The following PLXDC2 variants were observed in gnomAD, a reference collection of about 807,000 sequenced individuals.
The protein encoded by PLXDC2 is plexin domain-containing protein 2.
In PLXDC2, 40 loss-of-function variants were observed where a neutral mutation model predicts 68.9. The ratio of observed to expected loss-of-function variants is 0.58; its 90% confidence interval spans 0.45 to 0.76. The LOEUF (loss-of-function observed/expected upper bound fraction) is 0.76, where lower values mean the gene tolerates loss of function less well. Ranked by LOEUF, PLXDC2 falls within the 30% of genes least tolerant of loss-of-function variation. The probability of loss-of-function intolerance (pLI) is 0.00; values close to 1 mark genes in which losing one functional copy is unlikely to be tolerated. For synonymous variants in PLXDC2, 243 were observed against 234.2 expected (o/e 1.04, Z -0.34); for missense variants, 644 against 661.9 (o/e 0.97, Z 0.30).
intron 13 of PLXDC2, among the ~76,000 whole-genome samples, chr10:20,278,636 T>C (rs1181821812): frequency 6.6e-6 from 1 of 151,578 alleles, no homozygotes; most frequent in East Asian, 1.9e-4. Context: ...TTTTACACAA[T>C]ATAGAGCTAA....
At chr10:19,954,652 G>A (rs1834040023) in intron 1 of PLXDC2, among the ~76,000 whole-genome samples, 1 of 151,978 alleles carries the variant, frequency 6.6e-6, no homozygotes, top group Admixed American at 6.6e-5. Context: ...TATTATATTG[G>A]GGTTCTATTT....
intron 9 of PLXDC2, among the ~76,000 whole-genome samples, chr10:20,191,756 T>C (rs572310980): frequency 6.6e-6 from 1 of 152,072 alleles, no homozygotes; most frequent in South Asian, 2.1e-4. Context: ...TGTATACATA[T>C]GTAACAAACC....
chr10:20,031,808 A>ATTTC (rs1267723643), intron 2 of PLXDC2, among the ~76,000 whole-genome samples: 2 of 12,066 alleles, frequency 1.7e-4, no homozygotes, highest in African/African-American at 3.1e-4. Context: ...TGTTTTTATT[A>ATTTC]TTTATTTATT....
intron 4 of PLXDC2, among the ~76,000 whole-genome samples, chr10:20,123,347 G>C (rs1320748270): frequency 2.6e-5 from 4 of 152,118 alleles, no homozygotes; most frequent in Non-Finnish European, 4.4e-5. Flanking sequence ...GAGTTGCATT[G>C]GGAACAGAGA....
At chr10:20,117,535 T>A (rs2131755337) in intron 4 of PLXDC2, among the ~76,000 whole-genome samples, 1 of 152,254 alleles carries the variant, frequency 6.6e-6, no homozygotes, top group Admixed American at 6.5e-5. Context: ...TCTAAAGACA[T>A]AACAAGGAAA....
At chr10:20,013,522 G>T (rs1835152405) in intron 2 of PLXDC2, among the ~76,000 whole-genome samples, 1 of 152,082 alleles carries the variant, frequency 6.6e-6, no homozygotes, top group Middle Eastern at 3.4e-3. Flanking sequence ...GAACATTTAG[G>T]TTATAATATT....
intron 6 of PLXDC2, among the ~76,000 whole-genome samples, chr10:20,154,869 C>T (rs542929403): frequency 2.0e-5 from 3 of 151,822 alleles, no homozygotes; most frequent in Non-Finnish European, 4.4e-5. Flanking sequence ...GTCATATAAT[C>T]CTACTAGATG....
intron 2 of PLXDC2, among the ~76,000 whole-genome samples, chr10:20,005,758 A>C (rs894398800): frequency 6.6e-6 from 1 of 152,210 alleles, no homozygotes; most frequent in African/African-American, 2.4e-5. Context: ...TAAGCCATTC[A>C]TGAGGGATCT....
In PLXDC2 at chr10:20,156,373, G is replaced by A. The variant is rs184944006; in HGVS notation, c.784-8095G>A. On this transcript the variant is annotated intron_variant, in intron 6 of 13. Coordinates refer to ENST00000377252, the MANE Select transcript of PLXDC2 (RefSeq NM_032812.9). ...ACGTTTGTAAAACAGATATGTTGCC[G>A]ACATCTAAATATTAAAATATTTCAA... Among the ~76,000 whole-genome samples, 17 of 152,206 alleles carry A rather than the reference G, an allele frequency of 1.1e-4. No individual in the cohort carries two copies. In the East Asian group the frequency reaches 1.7e-3, roughly 16 times the overall value.
At chr10:20,043,415 G>C (rs567217873) in intron 2 of PLXDC2, 14 of 152,170 alleles carry the variant, frequency 9.2e-5, no homozygotes, top group African/African-American at 3.4e-4. Flanking sequence ...GTATATTTTT[G>C]CAGGTAATTC....
At position 19,941,976 on chromosome 10, in the gene PLXDC2, A is replaced by G. The variant is rs76725127; in HGVS notation, c.113-59799A>G. Among the ~76,000 whole-genome samples the G allele has an allele frequency of 9.7e-3, 1,261 of 130,222 alleles. 22 individuals are homozygous for G. Among genetic ancestry groups the G allele is most frequent in the African/African-American group, 0.034 (1,185 of 35,212 alleles). 85.4% of individuals were successfully genotyped at this position (130,222 alleles called of 152,430 possible). On this transcript the variant is annotated intron_variant, in intron 1 of 13. Transcript: ENST00000377252. ...GTTTCCAGCCTTTGACATTTAGAGA[A>G]AAAAAAAAAAAAAAGAACTTTGGTT...
chr10:20,146,685 A>G (rs1193270637), intron 5 of PLXDC2, among the ~76,000 whole-genome samples: 1 of 152,092 alleles, frequency 6.6e-6, no homozygotes, highest in Non-Finnish European at 1.5e-5. Context: ...TTTTGCCTCA[A>G]AAGAAATACA....
At chr10:19,825,263 G>T (rs1312719308) in intron 1 of PLXDC2, among the ~76,000 whole-genome samples, 1 of 152,172 alleles carries the variant, frequency 6.6e-6, no homozygotes, top group Non-Finnish European at 1.5e-5. Context: ...GTCTCGTCCT[G>T]TAGGTAAGGT....
rs1289870389 is a variant in PLXDC2 at position 19,928,338 on chromosome 10, T to C, written c.113-73437T>C. ...GTTTGTAGTAGGTTGTGAAAGACTT[T>C]AGGTCTGGGGGAGAAAGTTGGGACA... On this transcript the variant is annotated intron_variant, in intron 1 of 13. Transcript: ENST00000377252. 3.3e-5 allele frequency among the ~76,000 whole-genome samples: 5 copies of C among 152,200 alleles called. No homozygotes were observed. In the East Asian group the frequency reaches 7.7e-4, roughly 23 times the overall value.
At chr10:19,830,411 C>G (rs1222646913) in intron 1 of PLXDC2, among the ~76,000 whole-genome samples, 1 of 152,160 alleles carries the variant, frequency 6.6e-6, no homozygotes, top group African/African-American at 2.4e-5. Flanking sequence ...CTCTTATACT[C>G]AGAGCACATT....
intron 2 of PLXDC2, among the ~76,000 whole-genome samples, chr10:20,015,800 C>T (rs976918020): frequency 3.9e-5 from 6 of 152,160 alleles, no homozygotes; most frequent in Non-Finnish European, 2.9e-5. Context: ...CCTCATTGGC[C>T]TCCTTCCAAT....
At chr10:19,943,389 T>C (rs1400915073) in intron 1 of PLXDC2, among the ~76,000 whole-genome samples, 1 of 152,234 alleles carries the variant, frequency 6.6e-6, no homozygotes, top group Admixed American at 6.5e-5. Flanking sequence ...TCTATGCTTC[T>C]AATGTAAGGA....
At chr10:20,262,563 C>T (rs549042187) in intron 13 of PLXDC2, among the ~76,000 whole-genome samples, 101 of 152,290 alleles carry the variant, frequency 6.6e-4, no homozygotes, top group African/African-American at 2.4e-3. Context: ...TCTGAGCCAA[C>T]CTGGGACAGA....
chr10:19,819,826 T>C (rs1453509969), intron 1 of PLXDC2, among the ~76,000 whole-genome samples: 1 of 152,234 alleles, frequency 6.6e-6, no homozygotes, highest in Non-Finnish European at 1.5e-5. Flanking sequence ...GAGTTTGTTA[T>C]GAGAGTGTTG....
Sources: allele counts gnomAD v4.1 joint callset (sites outside exome capture counted in the v4.1 genomes callset), GRCh38; gene constraint gnomAD v4.1.1; transcripts MANE v1.5; gene names NCBI Gene and HGNC (gene_info 2026-07-23, HGNC 2026-07-21).